FKBP5: variants seen among roughly 807,000 people sequenced by gnomAD.
FKBP5 encodes peptidyl-prolyl cis-trans isomerase FKBP5.
FKBP5 carries 23 observed loss-of-function variants against 50.5 expected under a neutral mutation model. The observed-to-expected ratio is 0.46, with a 90% confidence interval of 0.33 to 0.65. The LOEUF (loss-of-function observed/expected upper bound fraction) is 0.65. FKBP5 is among the 30% of genes least tolerant of loss of function. The probability of loss-of-function intolerance (pLI) is 0.02; values close to 1 mark genes in which losing one functional copy is unlikely to be tolerated. For missense variants in FKBP5, 411 were observed against 553.1 expected (o/e 0.74, Z 2.58); for synonymous variants, 176 against 190.6 (o/e 0.92, Z 0.63).
chr6:35,623,867 C>T (rs766711746), intron 3 of FKBP5, among the ~76,000 whole-genome samples: 1 of 151,778 alleles, frequency 6.6e-6, no homozygotes, highest in Non-Finnish European at 1.5e-5. Flanking sequence ...CAGGTGAATA[C>T]CACCATGATT....
intron 5 of FKBP5, among the ~76,000 whole-genome samples, chr6:35,603,878 G>T (rs1763226562): frequency 6.6e-6 from 1 of 151,328 alleles, no homozygotes; most frequent in African/African-American, 2.4e-5. Context: ...GCTAATTTTT[G>T]TGTTTTTAGT....
intron 3 of FKBP5, among the ~76,000 whole-genome samples, chr6:35,621,165 T>A (rs1456941693): frequency 1.3e-5 from 2 of 152,226 alleles, no homozygotes; most frequent in Non-Finnish European, 2.9e-5. Context: ...TTTTGCCTAC[T>A]TCCAGGAAAC....
At chr6:35,647,209 A>G (rs1403602554) in intron 1 of FKBP5, among the ~76,000 whole-genome samples, 2 of 152,260 alleles carry the variant, frequency 1.3e-5, no homozygotes, top group Admixed American at 1.3e-4. Flanking sequence ...AGCAGAAAGC[A>G]AAGGATTATA....
At chr6:35,719,175 A>G (rs1352902841) in intron 2 of FKBP5, among the ~76,000 whole-genome samples, 3 of 151,908 alleles carry the variant, frequency 2.0e-5, no homozygotes, top group Non-Finnish European at 2.9e-5. Context: ...AGTTCCAGTA[A>G]CCCCTTTTTT....
intron 1 of FKBP5, among the ~76,000 whole-genome samples, chr6:35,664,975 TAATC>T (rs1282393728): frequency 1.3e-5 from 2 of 152,332 alleles, no homozygotes; most frequent in African/African-American, 4.8e-5. Context: ...TTTCTCCACT[TAATC>T]AATAGGACCG....
rs369081641 is a variant in FKBP5 at position 35,678,313 on chromosome 6, A to G, written c.-20+10491T>C. Among the ~76,000 whole-genome samples, 7 of 152,286 alleles carry G rather than the reference A, an allele frequency of 4.6e-5. No individual in the cohort carries two copies. In the East Asian group the frequency reaches 1.2e-3, roughly 25 times the overall value. ...ATTTAAATACGTTTCATTTCAAGACATAGACGAATATTTAGACCTCAAGTT... is the reference window on the plus strand; with the variant it reads ...ATTTAAATACGTTTCATTTCAAGACGTAGACGAATATTTAGACCTCAAGTT... On this transcript the variant is annotated intron_variant, in intron 1 of 10. Coordinates refer to ENST00000357266, the MANE Select transcript of FKBP5 (RefSeq NM_004117.4).
intron 5 of FKBP5, among the ~76,000 whole-genome samples, chr6:35,611,232 T>C (rs1224065351): frequency 1.3e-5 from 2 of 152,204 alleles, no homozygotes; most frequent in East Asian, 1.9e-4. Context: ...AGCACTATTA[T>C]TGATCTCTTC....
chr6:35,675,055 G>C (rs941748501), intron 1 of FKBP5, among the ~76,000 whole-genome samples: 1 of 152,206 alleles, frequency 6.6e-6, no homozygotes, highest in African/African-American at 2.4e-5. Context: ...TTAATATTTA[G>C]TGAAGACATA....
At chr6:35,597,528 GACAC>G in intron 5 of FKBP5, 124 bp from the exon 6 acceptor site, 1 of 1,134,872 alleles carries the variant, frequency 8.8e-7, no homozygotes, top group South Asian at 1.7e-5. Flanking sequence ...TTCATCAAGA[GACAC>G]ACACAGTGTG....
intron 1 of FKBP5, among the ~76,000 whole-genome samples, chr6:35,685,566 A>C (rs530275812): frequency 6.6e-6 from 1 of 152,352 alleles, no homozygotes; most frequent in South Asian, 2.1e-4. Context: ...ATGAATTACA[A>C]AATTTAGTGT....
chr6:35,627,357 G>T (rs1438081008), intron 3 of FKBP5, among the ~76,000 whole-genome samples: 1 of 152,102 alleles, frequency 6.6e-6, no homozygotes, highest in Non-Finnish European at 1.5e-5. Context: ...GCCCAGACTG[G>T]TCTTGAACTC....
chr6:35,578,715 C>T (rs1436460098), intron 9 of FKBP5, among the ~76,000 whole-genome samples: 1 of 150,410 alleles, frequency 6.6e-6, no homozygotes, highest in Non-Finnish European at 1.5e-5. Context: ...TTAGAGTGAG[C>T]CAAGATTGTG....
At chr6:35,725,013 G>A (rs1001134813) in intron 1 of FKBP5, among the ~76,000 whole-genome samples, 1 of 152,158 alleles carries the variant, frequency 6.6e-6, no homozygotes, top group African/African-American at 2.4e-5. Context: ...TTGGTGTGCA[G>A]AGATAGTTCT....
rs140415734 is a variant in FKBP5 at position 35,715,723 on chromosome 6, C to T, written c.-20+4605G>A. ...TGCTGTGCATGGCCGGCTGGCTGTG[C>T]CATGCCAGGCATTTGGGTTTCCAAT... On this transcript the variant is annotated intron_variant, in intron 2 of 11. Transcript: ENST00000536438. Among the ~76,000 whole-genome samples the T allele has an allele frequency of 8.8e-3, 1,341 of 152,338 alleles. 21 individuals carry two copies. The highest frequency in any genetic ancestry group is 0.028 in the African/African-American group (1,173 of 41,572).
intron 2 of FKBP5, among the ~76,000 whole-genome samples, chr6:35,700,970 A>T (rs1248704467): frequency 6.6e-6 from 1 of 152,104 alleles, no homozygotes; most frequent in Non-Finnish European, 1.5e-5. Flanking sequence ...AAAATAAATT[A>T]AAAAATAAAT....
chr6:35,625,683 C>A (rs965816823), intron 3 of FKBP5, among the ~76,000 whole-genome samples: 8 of 148,532 alleles, frequency 5.4e-5, no homozygotes, highest in African/African-American at 2.0e-4. Flanking sequence ...TTTCAGTGAG[C>A]CGAGATTGCG....
At chr6:35,643,921 G>A (rs552978926) in intron 1 of FKBP5, among the ~76,000 whole-genome samples, 11 of 152,234 alleles carry the variant, frequency 7.2e-5, no homozygotes, top group East Asian at 1.9e-4. Flanking sequence ...CTTTGAGAAT[G>A]GTAAGACAAA....
chr6:35,615,341 C>CGAAA (rs1763618675), intron 5 of FKBP5, among the ~76,000 whole-genome samples: 2 of 151,964 alleles, frequency 1.3e-5, no homozygotes, highest in South Asian at 4.1e-4. Context: ...ATGCCTTTCT[C>CGAAA]CAATAAAAGG....
At chr6:35,709,335 C>G (rs1242270685) in intron 2 of FKBP5, among the ~76,000 whole-genome samples, 2 of 152,170 alleles carry the variant, frequency 1.3e-5, no homozygotes, top group Non-Finnish European at 2.9e-5. Context: ...CAAACCATAT[C>G]ACATATAATG....
Sources: gnomAD v4.1 joint callset for allele counts (sites outside exome capture counted in the v4.1 genomes callset) on GRCh38, gnomAD v4.1.1 for gene constraint, MANE v1.5 for transcripts, NCBI Gene and HGNC (gene_info 2026-07-23, HGNC 2026-07-21) for gene names.